Variants in NDRG3 observed in about 807,000 individuals in gnomAD.
NDRG3 encodes the protein NDRG family member 3.
Under a neutral mutation model 57.2 loss-of-function variants are expected in NDRG3, and 23 were observed. The ratio of observed to expected loss-of-function variants is 0.40; its 90% CI spans 0.29 to 0.57. NDRG3 has a LOEUF of 0.57. Among genes scored for constraint, NDRG3 ranks in the 20% least tolerant of loss-of-function variants. NDRG3 has a pLI of 0.42. For missense variants in NDRG3, 384 were observed against 457.3 expected, an observed-to-expected ratio of 0.84 and a Z score of 1.46; for synonymous variants, 132 against 162.6, an observed-to-expected ratio of 0.81 and a Z score of 1.43.
At chr20:36,733,779 A>C (rs1193294845) in intron 1 of NDRG3, among the ~76,000 whole-genome samples, 2 of 152,148 alleles carry the variant, frequency 1.3e-5, no homozygotes, top group African/African-American at 4.8e-5. Flanking sequence ...TAATCTGGAA[A>C]GGGTCAGCTG....
intron 1 of NDRG3, among the ~76,000 whole-genome samples, chr20:36,728,028 G>C (rs1985050307): frequency 6.6e-6 from 1 of 151,908 alleles, no homozygotes; most frequent in Non-Finnish European, 1.5e-5. Flanking sequence ...GCAAGACCCT[G>C]CCTCTAAATA....
At chr20:36,701,799 C>T (rs1215434151) in intron 3 of NDRG3, among the ~76,000 whole-genome samples, 3 of 150,390 alleles carry the variant, frequency 2.0e-5, no homozygotes, top group Admixed American at 1.3e-4. Flanking sequence ...CCACCTGCCT[C>T]GGCCTCCTAA....
In NDRG3 at chr20:36,733,447, G is replaced by A. The variant is rs138396335; in HGVS notation, c.-48-11664C>T. On this transcript the variant is annotated intron_variant, in intron 1 of 15. Transcript: ENST00000349004. ...ACCAAAACAGAATGAAGGTATGGCC[G>A]GGCGCGGTGGCTCACGCCTGTAATC... Among the ~76,000 whole-genome samples, 931 of 151,890 alleles carry A rather than the reference G, an allele frequency of 6.1e-3. 13 individuals carry two copies. Among genetic ancestry groups the A allele is most frequent in the African/African-American group, 0.021 (872 of 41,484 alleles).
At chr20:36,668,220 C>G (rs993568800) in intron 9 of NDRG3, among the ~76,000 whole-genome samples, 1 of 152,194 alleles carries the variant, frequency 6.6e-6, no homozygotes, top group Non-Finnish European at 1.5e-5. Flanking sequence ...CCAGCCAGGA[C>G]AACAGAGCAA....
At chr20:36,728,480 GGATA>G (rs993379762) in intron 1 of NDRG3, among the ~76,000 whole-genome samples, 33 of 152,284 alleles carry the variant, frequency 2.2e-4, no homozygotes, top group African/African-American at 7.9e-4. Context: ...ATAGACAGAT[GGATA>G]GATAGATGGA....
At chr20:36,665,488 G>C (rs147512343) in intron 10 of NDRG3, among the ~76,000 whole-genome samples, 187 bp from the exon 11 acceptor site, 116 of 152,270 alleles carry the variant, frequency 7.6e-4, no homozygotes, top group African/African-American at 2.5e-3. Flanking sequence ...GGGTGGTATG[G>C]AGCAGGAAGG....
chr20:36,693,651 C>T (rs1982530737), intron 3 of NDRG3, among the ~76,000 whole-genome samples: 1 of 151,808 alleles, frequency 6.6e-6, no homozygotes, highest in Non-Finnish European at 1.5e-5. Context: ...TCAGCAGTGA[C>T]ATCAGATTCT....
chr20:36,718,839 C>T (rs1309272650), intron 2 of NDRG3, among the ~76,000 whole-genome samples: 1 of 152,060 alleles, frequency 6.6e-6, no homozygotes, highest in Non-Finnish European at 1.5e-5. Flanking sequence ...TGCCACCACA[C>T]CTGGATCATT....
At chr20:36,707,234 T>C (rs1246302681) in intron 2 of NDRG3, among the ~76,000 whole-genome samples, 2 of 152,148 alleles carry the variant, frequency 1.3e-5, no homozygotes, top group Admixed American at 6.6e-5. Context: ...TATGAGAAGA[T>C]AAAGGAAAGG....
chr20:36,654,037 A>G (rs1978437953), intron 15 of NDRG3, among the ~76,000 whole-genome samples: 1 of 152,224 alleles, frequency 6.6e-6, no homozygotes. Context: ...GGTAACCAAA[A>G]CCTACAGTGC....
intron 13 of NDRG3, among the ~76,000 whole-genome samples, chr20:36,659,866 T>C (rs1979006071): frequency 6.6e-6 from 1 of 151,638 alleles, no homozygotes; most frequent in South Asian, 2.1e-4. Context: ...CCCAAAGTGC[T>C]GAGATTACAG....
At chr20:36,705,518 C>T (rs1057111212) in intron 3 of NDRG3, among the ~76,000 whole-genome samples, 2 of 152,054 alleles carry the variant, frequency 1.3e-5, no homozygotes, top group Admixed American at 6.6e-5. Context: ...TAACATAAAA[C>T]GCATATTTGA....
Position 36,712,096 on chromosome 20 carries a change from GT to G in NDRG3, c.58-5090del, listed in dbSNP as rs559322473. ...AGCCACCGCACCTGGTTGTTTTTTT[GT>G]TTTTTTTGTTGTTGTTTTTTTTTGA... is the stretch of plus-strand genomic sequence containing the variant. On this transcript the variant is annotated intron_variant, in intron 2 of 15. Transcript: ENST00000349004. 2.6e-5 allele frequency among the ~76,000 whole-genome samples: 4 copies of G among 151,272 alleles called. No individual in the cohort carries two copies. In the South Asian group the frequency reaches 6.3e-4, roughly 24 times the overall value.
intron 1 of NDRG3, among the ~76,000 whole-genome samples, chr20:36,723,435 A>T (rs1984718084): frequency 6.6e-6 from 1 of 152,150 alleles, no homozygotes; most frequent in Non-Finnish European, 1.5e-5. Flanking sequence ...AAACCTATCA[A>T]GTCAGGAAAA....
chr20:36,685,601 G>A (rs1020752416), intron 5 of NDRG3, among the ~76,000 whole-genome samples: 1 of 152,202 alleles, frequency 6.6e-6, no homozygotes, highest in Non-Finnish European at 1.5e-5. Flanking sequence ...GTGAGCCACT[G>A]TGTCTGGCAT....
chr20:36,671,370 C>T lies in NDRG3; in HGVS notation c.559G>A (p.Asp187Asn). 6.2e-7 allele frequency: 1 copy of T among 1,613,838 alleles called. No individual in the cohort carries two copies. The highest frequency in any genetic ancestry group is 1.1e-5 in the South Asian group (1 of 91,056). Residue 187 changes from aspartate (D) to asparagine (N), a missense_variant, in exon 9 of 16, where the codon GAC (aspartate) becomes AAC (asparagine). Transcript: ENST00000349004. The part of the protein sequence containing the change: ...KLSGLTTNVV[D>N]IILAHHFGQE... ...CCAAAGTGATGAGCCAAAATAATGT[C>T]CACAACATTGGTTGTCAGGCCAGAG...
chr20:36,688,717 CT>C lies in NDRG3; in HGVS notation c.160del (p.Arg54AspfsTer5). Reference sequence around the variant, plus strand: ...GTCATGATATGTTAGTATAACTGGTCTGTTTCCTTTGGGTAAGCCTCTTATA... The same window carrying C: ...GTCATGATATGTTAGTATAACTGGTCGTTTCCTTTGGGTAAGCCTCTTATA... Reference protein sequence around the residue: ...VTIRGLPKGNRPVILTYHDIG... With the variant: ...VTIRGLPKGNXPVILTYHDIG... On this transcript the variant is annotated frameshift_variant, in exon 4 of 16. Transcript: ENST00000349004. LOFTEE classifies it high-confidence loss of function. 1 of 1,613,974 alleles carries C rather than the reference CT, an allele frequency of 6.2e-7. No individual in the cohort carries two copies. The highest frequency in any genetic ancestry group is 8.5e-7 in the Non-Finnish European group (1 of 1,179,822).
At chr20:36,676,469 GTTTTGTTT>G (rs1307593684) in intron 8 of NDRG3, among the ~76,000 whole-genome samples, 2 of 151,844 alleles carry the variant, frequency 1.3e-5, no homozygotes, top group Non-Finnish European at 2.9e-5. Flanking sequence ...TTTTTGTTTT[GTTTTGTTT>G]TTTTGAGACG....
At chr20:36,679,417 A>G (rs1981045890) in intron 8 of NDRG3, among the ~76,000 whole-genome samples, 1 of 152,220 alleles carries the variant, frequency 6.6e-6, no homozygotes, top group Non-Finnish European at 1.5e-5. Flanking sequence ...AGCTTTACTC[A>G]TAAGATCCAA....
Sources: gnomAD v4.1 joint callset for allele counts (sites outside exome capture counted in the v4.1 genomes callset) on GRCh38, gnomAD v4.1.1 for gene constraint, MANE v1.5 for transcripts, NCBI Gene and HGNC (gene_info 2026-07-23, HGNC 2026-07-21) for gene names.